SLC8A3: variants seen among roughly 807,000 people sequenced by gnomAD.
SLC8A3 encodes the protein solute carrier family 8 member A3, also known as sodium/calcium exchanger 3.
Under a neutral mutation model 65.4 loss-of-function variants are expected in SLC8A3, and 37 were observed. The ratio of observed to expected loss-of-function variants is 0.57; its 90% CI spans 0.44 to 0.74. The LOEUF (loss-of-function observed/expected upper bound fraction) is 0.74. Among genes scored for constraint, SLC8A3 ranks in the 30% least tolerant of loss-of-function variants. SLC8A3 has a pLI of 0.00. For synonymous variants in SLC8A3, 461 were observed against 444.5 expected, an observed-to-expected ratio of 1.04 and a Z score of -0.47; for missense variants, 1,112 against 1,172.1, an observed-to-expected ratio of 0.95 and a Z score of 0.75.
rs1036714721 is a variant in SLC8A3 at position 70,046,428 on chromosome 14, G to A, written c.2390-105C>T. ...AGCTTGAGCTGGTGGGCTGAACCCA[G>A]GAATGAGAGACAAGGGCTAGGGGGC... On this transcript the variant is annotated intron_variant, in intron 6 of 6. Transcript: ENST00000356921. The surrounding 1 kb of genome is among the most constrained non-coding windows in gnomAD (Gnocchi z 4.2). 1.8e-5 allele frequency: 22 copies of A among 1,209,978 alleles called. No homozygotes were observed. The highest frequency in any genetic ancestry group is 2.4e-5 in the Non-Finnish European group (21 of 874,660). The allele number at this position is 1,209,978 out of a possible 1,614,324, so 75.0% of individuals were successfully genotyped here. A position where few individuals can be genotyped will look rare whatever the true frequency, so the allele number is the denominator to read the frequency against.
At chr14:70,156,973 A>C (rs2140328444) in intron 2 of SLC8A3, among the ~76,000 whole-genome samples, 1 of 152,330 alleles carries the variant, frequency 6.6e-6, no homozygotes, top group East Asian at 1.9e-4. Flanking sequence ...TCAGAGAAAA[A>C]GTAAATGGGA....
chr14:70,164,114 G>A (rs371770604), intron 2 of SLC8A3, among the ~76,000 whole-genome samples: 10 of 152,108 alleles, frequency 6.6e-5, no homozygotes, highest in South Asian at 2.1e-4. Flanking sequence ...CAGGTACACC[G>A]CATACAATAC....
chr14:70,051,743 T>C (rs971533558), intron 4 of SLC8A3, among the ~76,000 whole-genome samples: 1 of 152,236 alleles, frequency 6.6e-6, no homozygotes, highest in Non-Finnish European at 1.5e-5. Context: ...ATAATACATC[T>C]CAGGACTTTC....
At chr14:70,137,874 C>T (rs1263874077) in intron 2 of SLC8A3, among the ~76,000 whole-genome samples, 2 of 150,350 alleles carry the variant, frequency 1.3e-5, no homozygotes, top group African/African-American at 2.4e-5. Context: ...AATTCACCTC[C>T]TTAGGGGAGA....
intron 2 of SLC8A3, among the ~76,000 whole-genome samples, chr14:70,151,886 T>C (rs1356819188): frequency 6.6e-6 from 1 of 151,128 alleles, no homozygotes; most frequent in Non-Finnish European, 1.5e-5. Flanking sequence ...CTTGTAAGGA[T>C]ACCAGTCATA....
At chr14:70,078,816 G>A (rs1416884416) in intron 2 of SLC8A3, among the ~76,000 whole-genome samples, 3 of 152,186 alleles carry the variant, frequency 2.0e-5, no homozygotes, top group African/African-American at 7.2e-5. Context: ...TTCATGATTA[G>A]TATGAAGATA....
At position 70,131,213 on chromosome 14, in the gene SLC8A3, C is replaced by A. The variant is rs542718045; in HGVS notation, c.1784+35426G>T. On this transcript the variant is annotated intron_variant, in intron 2 of 6. Transcript: ENST00000356921. ...AGCCTTGGATGATCTCAGAATGGAG[C>A]TTGGACTGCAGAAGGCCAAGGGATG... is the stretch of plus-strand genomic sequence containing the variant. Among the ~76,000 whole-genome samples, 6 of 150,482 alleles carry A rather than the reference C, an allele frequency of 4.0e-5. No individual in the cohort carries two copies. In the South Asian group the frequency reaches 8.3e-4, roughly 21 times the overall value.
At chr14:70,051,140 G>T in intron 4 of SLC8A3, 33 bp from the exon 5 acceptor site, 1 of 1,432,852 alleles carries the variant, frequency 7.0e-7, no homozygotes, top group Non-Finnish European at 9.9e-7. Context: ...GAACCATGAG[G>T]TTAGAATGCT....
At chr14:70,157,322 A>T (rs924235073) in intron 2 of SLC8A3, among the ~76,000 whole-genome samples, 2 of 152,156 alleles carry the variant, frequency 1.3e-5, no homozygotes, top group African/African-American at 4.8e-5. Context: ...TTATCATGGA[A>T]TTCCCATGGC....
At chr14:70,133,682 C>G (rs1225210302) in intron 2 of SLC8A3, among the ~76,000 whole-genome samples, 1 of 152,060 alleles carries the variant, frequency 6.6e-6, no homozygotes, top group African/African-American at 2.4e-5. Context: ...GGAATTCAAA[C>G]AAAATAGGGC....
chr14:70,095,113 C>T (rs577816328), intron 2 of SLC8A3, among the ~76,000 whole-genome samples: 3 of 152,200 alleles, frequency 2.0e-5, no homozygotes, highest in Admixed American at 1.3e-4. Context: ...GGGCTTGTCA[C>T]GTGGTAGAAA....
chr14:70,065,746 C>G (rs1889353076), intron 2 of SLC8A3, among the ~76,000 whole-genome samples: 1 of 152,184 alleles, frequency 6.6e-6, no homozygotes, highest in South Asian at 2.1e-4. Flanking sequence ...GTTTGAGAGT[C>G]ATATGTAAGG....
chr14:70,082,284 T>TG (rs139954415), intron 2 of SLC8A3, among the ~76,000 whole-genome samples: 3,800 of 152,192 alleles, frequency 0.025, 138 homozygotes, highest in African/African-American at 0.085. Flanking sequence ...AATAATTTCT[T>TG]GGGGGGGTGA....
chr14:70,095,144 A>C (rs1413646776), intron 2 of SLC8A3, among the ~76,000 whole-genome samples: 2 of 152,242 alleles, frequency 1.3e-5, no homozygotes, highest in Non-Finnish European at 2.9e-5. Context: ...TTTGGAGATG[A>C]GTATTCAAAT....
chr14:70,075,481 G>T (rs1040226050), intron 2 of SLC8A3, among the ~76,000 whole-genome samples: 6 of 152,152 alleles, frequency 3.9e-5, no homozygotes, highest in African/African-American at 1.4e-4. Flanking sequence ...TGGAAAGGTG[G>T]TGTCCAGTTT....
At chr14:70,115,180 A>G (rs1359435790) in intron 2 of SLC8A3, among the ~76,000 whole-genome samples, 1 of 152,174 alleles carries the variant, frequency 6.6e-6, no homozygotes, top group African/African-American at 2.4e-5. Context: ...ACTTGGGAAG[A>G]TGGCGGCTGA....
chr14:70,068,346 A>G (rs1457044802), intron 2 of SLC8A3, among the ~76,000 whole-genome samples: 2 of 152,192 alleles, frequency 1.3e-5, no homozygotes, highest in African/African-American at 4.8e-5. Flanking sequence ...GCTCACCACC[A>G]TGAGAACCAT....
At chr14:70,076,808 A>G (rs1384487963) in intron 2 of SLC8A3, among the ~76,000 whole-genome samples, 1 of 152,140 alleles carries the variant, frequency 6.6e-6, no homozygotes, top group African/African-American at 2.4e-5. Context: ...CATATTCTCC[A>G]TTGTTCTTTC....
intron 2 of SLC8A3, among the ~76,000 whole-genome samples, chr14:70,084,101 C>A (rs758773629): frequency 6.6e-6 from 1 of 152,192 alleles, no homozygotes; most frequent in Admixed American, 6.5e-5. Context: ...TGCCCTCCTG[C>A]AAATTACTTA....
Sources: allele counts gnomAD v4.1 joint callset (sites outside exome capture counted in the v4.1 genomes callset), GRCh38; gene constraint gnomAD v4.1.1; non-coding constraint Gnocchi (gnomAD v3.1); transcripts MANE v1.5; gene names NCBI Gene and HGNC (gene_info 2026-07-23, HGNC 2026-07-21).